The following C7orf78 variants were observed in gnomAD, a reference collection of about 807,000 sequenced individuals.
C7orf78 encodes the protein putative uncharacterized protein C7orf78.
At chr7:12,528,824 A>G in the C7orf78 span, 2 of 396,992 alleles carry the variant, frequency 5.0e-6, no homozygotes, top group East Asian at 3.6e-5. Context: ...CTGATCTCCA[A>G]AAATGATACA....
the C7orf78 span, among the ~76,000 whole-genome samples, chr7:12,502,667 T>C: frequency 0.3 from 44,846 of 151,660 alleles, 7,347 homozygotes; most frequent in African/African-American, 0.44. Flanking sequence ...TTGTAGAAGT[T>C]GGTGTGGTGA....
chr7:12,500,352 AAGAG>A, the C7orf78 span, among the ~76,000 whole-genome samples: 2 of 151,386 alleles, frequency 1.3e-5, no homozygotes, highest in Non-Finnish European at 3.0e-5. Flanking sequence ...TAAAGAAAAA[AAGAG>A]AGAAGAATCA....
the C7orf78 span, among the ~76,000 whole-genome samples, chr7:12,517,910 C>G: frequency 1.3e-5 from 2 of 152,016 alleles, no homozygotes; most frequent in Admixed American, 6.6e-5. Context: ...GGATCTGTTG[C>G]TGGAGAATTA....
chr7:12,520,615 A>G, the C7orf78 span, among the ~76,000 whole-genome samples: 3 of 152,262 alleles, frequency 2.0e-5, no homozygotes, highest in African/African-American at 7.2e-5. Context: ...AATCCTTTTT[A>G]ATTTGTTTAG....
chr7:12,497,471 A>G, the C7orf78 span, among the ~76,000 whole-genome samples: 1 of 53,122 alleles, frequency 1.9e-5, no homozygotes, highest in Admixed American at 2.4e-4. Flanking sequence ...GACGGACGGC[A>G]CCTGGAGAAT....
chr7:12,533,120 G>C, the C7orf78 span, among the ~76,000 whole-genome samples: 3 of 152,172 alleles, frequency 2.0e-5, no homozygotes, highest in African/African-American at 4.8e-5. Context: ...TGATGTGCTT[G>C]AGCTTGGTAA....
chr7:12,513,956 C>T, the C7orf78 span, among the ~76,000 whole-genome samples: 12 of 151,954 alleles, frequency 7.9e-5, no homozygotes, highest in Non-Finnish European at 1.2e-4. Flanking sequence ...GCTGAGATCA[C>T]GCCACTGCAC....
At chr7:12,533,371 T>G in the C7orf78 span, among the ~76,000 whole-genome samples, 2 of 151,698 alleles carry the variant, frequency 1.3e-5, no homozygotes, top group African/African-American at 2.4e-5. Flanking sequence ...CACCTAATTT[T>G]TGTATTTTTA....
the C7orf78 span, among the ~76,000 whole-genome samples, chr7:12,486,188 A>C: frequency 6.6e-6 from 1 of 152,086 alleles, no homozygotes; most frequent in Admixed American, 6.5e-5. Flanking sequence ...TTAACCTTTA[A>C]GATTCCAACA....
the C7orf78 span, among the ~76,000 whole-genome samples, chr7:12,499,080 G>A: frequency 6.6e-6 from 1 of 152,164 alleles, no homozygotes; most frequent in Non-Finnish European, 1.5e-5. Context: ...AGCTCCTGAA[G>A]GAAGCGCTAA....
the C7orf78 span, chr7:12,496,783 T>A: frequency 6.6e-6 from 1 of 152,154 alleles, no homozygotes; most frequent in African/African-American, 2.4e-5. Context: ...ACCATATGTA[T>A]CTCTATGCAA....
the C7orf78 span, among the ~76,000 whole-genome samples, chr7:12,528,122 C>G: frequency 6.8e-6 from 1 of 147,268 alleles, no homozygotes; most frequent in African/African-American, 2.5e-5. Context: ...TGGAACATGT[C>G]AGCTTTCCTA....
chr7:12,491,786 T>C, the C7orf78 span: 1 of 152,184 alleles, frequency 6.6e-6, no homozygotes, highest in East Asian at 1.9e-4. Context: ...TATAAATGCA[T>C]TAAAAACAGT....
the C7orf78 span, among the ~76,000 whole-genome samples, chr7:12,492,661 G>C: frequency 0.075 from 11,382 of 152,244 alleles, 461 homozygotes; most frequent in African/African-American, 0.11. Context: ...GGAGGTTGCT[G>C]ACAGCCAAAT....
the C7orf78 span, among the ~76,000 whole-genome samples, chr7:12,525,643 G>C: frequency 6.6e-6 from 1 of 151,934 alleles, no homozygotes; most frequent in Non-Finnish European, 1.5e-5. Context: ...TTAAATCTTA[G>C]ATCATTTTTT....
the C7orf78 span, among the ~76,000 whole-genome samples, chr7:12,498,879 G>A: frequency 2.0e-5 from 3 of 151,584 alleles, no homozygotes; most frequent in Non-Finnish European, 4.4e-5. Flanking sequence ...GACTAACAGA[G>A]GATCTCTCGG....
At chr7:12,535,079 A>G in the C7orf78 span, among the ~76,000 whole-genome samples, 941 of 152,318 alleles carry the variant, frequency 6.2e-3, 9 homozygotes, top group Middle Eastern at 0.01. Context: ...GTTCATCTTC[A>G]CAAGTAATCA....
At chr7:12,489,089 C>A in the C7orf78 span, among the ~76,000 whole-genome samples, 1 of 151,774 alleles carries the variant, frequency 6.6e-6, no homozygotes, top group Non-Finnish European at 1.5e-5. Flanking sequence ...TATTGTTGCA[C>A]TAGAATAAGA....
the C7orf78 span, among the ~76,000 whole-genome samples, chr7:12,484,622 A>G: frequency 6.6e-6 from 1 of 152,162 alleles, no homozygotes; most frequent in Non-Finnish European, 1.5e-5. Flanking sequence ...TGCTGTTACC[A>G]TATATTCTGC....
Sources: allele counts gnomAD v4.1 joint callset (sites outside exome capture counted in the v4.1 genomes callset), GRCh38; gene constraint gnomAD v4.1.1; transcripts MANE v1.5; gene names NCBI Gene and HGNC (gene_info 2026-07-23, HGNC 2026-07-21).